The following NAXD variants were observed in gnomAD, a reference collection of about 807,000 sequenced individuals.
NAXD encodes the protein ATP-dependent (S)-NAD(P)H-hydrate dehydratase.
In NAXD, 22 loss-of-function variants were observed where a neutral mutation model predicts 35.8. The ratio of observed to expected loss-of-function variants is 0.62; its 90% CI spans 0.44 to 0.88. The LOEUF is 0.88. NAXD is among the 40% of genes least tolerant of loss of function. The pLI is 0.00. For missense variants in NAXD, 428 were observed against 437.7 expected, an observed-to-expected ratio of 0.98 and a Z score of 0.20; for synonymous variants, 189 against 177.6, an observed-to-expected ratio of 1.06 and a Z score of -0.51.
Position 110,638,818 on chromosome 13 carries a change from T to A in NAXD, c.*290T>A, listed in dbSNP as rs539904576. On this transcript the variant is annotated 3_prime_UTR_variant, in exon 10 of 10. Transcript: ENST00000680254. This position sits in a 1 kb window ranked among gnomAD's most constrained non-coding sequence, Gnocchi z 5.4. Reference sequence around the variant, plus strand: ...AGAAATGAAGAAAATCACATGAGAATGAAGAATTCTTTAGCAGCTCAACAG... The same window carrying A: ...AGAAATGAAGAAAATCACATGAGAAAGAAGAATTCTTTAGCAGCTCAACAG... The A allele has an allele frequency of 3.9e-5, 22 of 557,022 alleles. No individual in the cohort carries two copies. The East Asian group carries it at 7.7e-4, about 19-fold the overall frequency. 34.5% of individuals were successfully genotyped at this position (557,022 alleles called of 1,614,324 possible).
At position 110,615,909 on chromosome 13, in the gene NAXD, C is replaced by G. The variant is rs971094580; in HGVS notation, c.46+262C>G. ...AGGACGGAGGCCTCCTGGAACGGCGCGGCGACGGCTGGGCGCGGCTTGGGT... is the reference window on the plus strand; with the variant it reads ...AGGACGGAGGCCTCCTGGAACGGCGGGGCGACGGCTGGGCGCGGCTTGGGT... On this transcript the variant is annotated intron_variant, in intron 1 of 9. Coordinates refer to ENST00000680254, the MANE Select transcript of NAXD (RefSeq NM_001242882.2). 7.2e-6 allele frequency: 5 copies of G among 693,880 alleles called. No individual in the cohort carries two copies. In the African/African-American group the frequency reaches 7.5e-5, roughly 10 times the overall value. The allele number at this position is 693,880 out of a possible 1,614,324, so 43.0% of individuals were successfully genotyped here. A position where few individuals can be genotyped will look rare whatever the true frequency, so the allele number is the denominator to read the frequency against.
intron 3 of NAXD, among the ~76,000 whole-genome samples, chr13:110,624,560 G>A (rs548581183): frequency 1.3e-5 from 2 of 152,202 alleles, no homozygotes; most frequent in Non-Finnish European, 2.9e-5. Context: ...CTGGGTTCAA[G>A]CGATTCTCCT....
In NAXD at chr13:110,621,917, C is replaced by T. The variant is rs549912102; in HGVS notation, c.47-299C>T. Among the ~76,000 whole-genome samples the T allele has an allele frequency of 3.3e-5, 5 of 151,130 alleles. No homozygotes were observed. In the East Asian group the frequency reaches 9.9e-4, roughly 30 times the overall value. ...TGGTAGTAGACACCTATAATCCCAG[C>T]TGCTCAGGAGGCTGAGGCAGGAGAA... On this transcript the variant is annotated intron_variant, in intron 1 of 9. Coordinates refer to ENST00000680254, the MANE Select transcript of NAXD (RefSeq NM_001242882.2).
intron 5 of NAXD, 51 bp downstream of exon 5, chr13:110,627,598 T>C: frequency 1.1e-5 from 14 of 1,306,106 alleles, no homozygotes; most frequent in Non-Finnish European, 1.6e-5. Context: ...GCCTTAGGCG[T>C]GAAGTTGGAA....
chr13:110,637,046 G>C (rs892175537), intron 8 of NAXD, 83 bp from the exon 9 acceptor site: 7 of 1,479,230 alleles, frequency 4.7e-6, no homozygotes, highest in Middle Eastern at 2.4e-4. Context: ...TCTGCCTGCC[G>C]TGCGGCCTTC....
intron 5 of NAXD, among the ~76,000 whole-genome samples, chr13:110,630,807 A>G (rs1418066046): frequency 1.3e-5 from 2 of 152,056 alleles, no homozygotes; most frequent in African/African-American, 4.8e-5. Context: ...CTCCCTGACA[A>G]TCCGTTGACC....
intron 1 of NAXD, among the ~76,000 whole-genome samples, chr13:110,619,588 C>T (rs1013239125): frequency 6.6e-6 from 1 of 152,182 alleles, no homozygotes; most frequent in African/African-American, 2.4e-5. Flanking sequence ...GGTGCTAAAA[C>T]TACACGCATG....
intron 1 of NAXD, among the ~76,000 whole-genome samples, chr13:110,616,823 C>CGCACCATTTACATTACA (rs1886076408): frequency 6.6e-6 from 1 of 152,152 alleles, no homozygotes; most frequent in South Asian, 2.1e-4. Context: ...AATGGTTAAA[C>CGCACCATTTACATTACA]GCACCATTTG....
At chr13:110,627,276 G>A (rs1355839936) in intron 4 of NAXD, among the ~76,000 whole-genome samples, 163 bp from the exon 5 acceptor site, 1 of 152,190 alleles carries the variant, frequency 6.6e-6, no homozygotes, top group Non-Finnish European at 1.5e-5. Flanking sequence ...GGGTACATGG[G>A]AGCCTTCTGT....
At chr13:110,633,066 G>T (rs1464521734) in intron 5 of NAXD, among the ~76,000 whole-genome samples, 4 of 152,216 alleles carry the variant, frequency 2.6e-5, no homozygotes, top group African/African-American at 2.4e-5. Flanking sequence ...GGGACTGGGT[G>T]CCGTGGAGCA....
At chr13:110,627,634 G>A (rs1886542378) in intron 5 of NAXD, 87 bp downstream of exon 5, 8 of 885,050 alleles carry the variant, frequency 9.0e-6, no homozygotes, top group South Asian at 8.7e-5. Flanking sequence ...TGCATTTTGT[G>A]TAGTGTTCCG....
chr13:110,632,973 G>C (rs1886769468), intron 5 of NAXD, among the ~76,000 whole-genome samples: 1 of 152,220 alleles, frequency 6.6e-6, no homozygotes, highest in African/African-American at 2.4e-5. Flanking sequence ...TTCACCCAGT[G>C]GATCCCGCAC....
chr13:110,619,973 A>G (rs1487364824), intron 1 of NAXD, among the ~76,000 whole-genome samples: 3 of 151,976 alleles, frequency 2.0e-5, no homozygotes, highest in Middle Eastern at 3.4e-3. Context: ...TAATTTTTGT[A>G]TTTTTAGTAG....
intron 4 of NAXD, among the ~76,000 whole-genome samples, chr13:110,625,999 C>G (rs1044413362): frequency 1.3e-5 from 2 of 152,170 alleles, no homozygotes; most frequent in East Asian, 3.9e-4. Context: ...ACGCCTGGGT[C>G]GAGCCCGGCC....
At chr13:110,633,823 CCT>C (rs1440297880) in intron 5 of NAXD, among the ~76,000 whole-genome samples, 1 of 151,812 alleles carries the variant, frequency 6.6e-6, no homozygotes, top group Non-Finnish European at 1.5e-5. Flanking sequence ...AAAATGATTC[CCT>C]GTTTATTATT....
At chr13:110,618,016 T>C (rs2765341) in intron 1 of NAXD, among the ~76,000 whole-genome samples, 35,916 of 152,014 alleles carry the variant, frequency 0.24, 5,523 homozygotes, top group African/African-American at 0.44. Context: ...GCTGATTCTC[T>C]GCCAGTCCAG....
At chr13:110,637,924 G>C in intron 9 of NAXD, 1 of 524,820 alleles carries the variant, frequency 1.9e-6, no homozygotes, top group Admixed American at 2.3e-5. Context: ...GGAGGTAGGG[G>C]TGTGGGCAGG....
rs753719199 is a variant in NAXD at position 110,635,428 on chromosome 13, G to A, written c.598-40G>A. The A allele has an allele frequency of 2.5e-6, 4 of 1,605,794 alleles. No homozygotes were observed. In the African/African-American group the frequency reaches 4.0e-5, roughly 16 times the overall value. ...GGCTATCTGTCGTCGTGTGTCTGAGGAAGACTTTGCTTTTTCTCTGTCTTC... is the reference window on the plus strand; with the variant it reads ...GGCTATCTGTCGTCGTGTGTCTGAGAAAGACTTTGCTTTTTCTCTGTCTTC... On this transcript the variant is annotated intron_variant, in intron 7 of 9. Coordinates refer to ENST00000680254, the MANE Select transcript of NAXD (RefSeq NM_001242882.2).
intron 5 of NAXD, among the ~76,000 whole-genome samples, chr13:110,633,351 C>T (rs967148008): frequency 1.6e-4 from 24 of 152,350 alleles, no homozygotes; most frequent in African/African-American, 5.5e-4. Flanking sequence ...CCCACGCCCA[C>T]CCGGAACTCC....
Sources: allele counts gnomAD v4.1 joint callset (sites outside exome capture counted in the v4.1 genomes callset), GRCh38; gene constraint gnomAD v4.1.1; non-coding constraint Gnocchi (gnomAD v3.1); transcripts MANE v1.5; gene names NCBI Gene and HGNC (gene_info 2026-07-23, HGNC 2026-07-21).